The following LRCH2 variants were observed in gnomAD, a reference collection of about 807,000 sequenced individuals.
LRCH2 encodes leucine rich repeats and calponin homology domain containing 2.
A neutral mutation model predicts 68.9 loss-of-function variants in LRCH2; 38 were observed. That is an observed-to-expected ratio of 0.55 (90% confidence interval 0.43 to 0.72). The LOEUF (loss-of-function observed/expected upper bound fraction) is 0.72. Among genes scored for constraint, LRCH2 ranks in the 30% least tolerant of loss-of-function variants. LRCH2 has a pLI of 0.00. For synonymous variants in LRCH2, 191 were observed against 208.1 expected, an observed-to-expected ratio of 0.92 and a Z score of 0.71; for missense variants, 528 against 572.9, an observed-to-expected ratio of 0.92 and a Z score of 0.80.
Position 115,143,591 on chromosome X carries a change from A to G in LRCH2, c.1695+6236T>C, listed in dbSNP as rs1264403617. ...ATACCAATCCTACTCAAAGTATTCA[A>G]AAAATTGAAGAGGAGGGAATACTGG... is the stretch of plus-strand genomic sequence containing the variant. On this transcript the variant is annotated intron_variant, in intron 14 of 20. Transcript: ENST00000317135. Among the ~76,000 whole-genome samples, 3 of 111,657 alleles carry G rather than the reference A, an allele frequency of 2.7e-5. No homozygotes were observed. The East Asian group carries it at 8.5e-4, about 32-fold the overall frequency.
intron 1 of LRCH2, among the ~76,000 whole-genome samples, chrX:115,214,893 G>C (rs1486194420): frequency 7.1e-5 from 8 of 112,048 alleles, no homozygotes; most frequent in Non-Finnish European, 1.5e-4. Context: ...GCAGTTATCT[G>C]TAGGAAATTC....
rs2147404854 is a variant in LRCH2 at position 115,179,762 on chromosome X, C to T, written c.622-11G>A. The T allele has an allele frequency of 5.2e-6, 5 of 962,922 alleles. No homozygotes were observed. In the East Asian group the frequency reaches 1.1e-4, roughly 21 times the overall value. 79.4% of individuals were successfully genotyped at this position (962,922 alleles called of 1,213,427 possible). On this transcript the variant is annotated splice_polypyrimidine_tract_variant and intron_variant, in intron 3 of 20. Coordinates refer to ENST00000317135, the MANE Select transcript of LRCH2 (RefSeq NM_020871.4). ...ATTGCAGCTAATATCCTAAGGAGAACAATAAAACAGAATTATAACAAGCTA... is the reference window on the plus strand; with the variant it reads ...ATTGCAGCTAATATCCTAAGGAGAATAATAAAACAGAATTATAACAAGCTA...
intron 14 of LRCH2, among the ~76,000 whole-genome samples, chrX:115,138,620 T>G (rs781946591): frequency 4.5e-5 from 5 of 111,687 alleles, no homozygotes; most frequent in Non-Finnish European, 9.4e-5. Context: ...AGGAAAGACA[T>G]AGAAGAATAA....
In LRCH2 at chrX:115,163,957, A is replaced by G. The variant is rs956083077; in HGVS notation, c.1356-174T>C. On this transcript the variant is annotated intron_variant, in intron 10 of 20. Transcript: ENST00000317135. ...AGGAAAACTTCTGTGTTCTCTACTC[A>G]TTATGAAATGTAGCATACTGGCTGT... 6.2e-5 allele frequency among the ~76,000 whole-genome samples: 7 copies of G among 112,157 alleles called. No homozygotes were observed. The Admixed American group carries it at 6.7e-4, about 11-fold the overall frequency.
chrX:115,131,245 A>G (rs2072241650), intron 14 of LRCH2, among the ~76,000 whole-genome samples: 2 of 84,629 alleles, frequency 2.4e-5, no homozygotes, highest in South Asian at 1.1e-3. Context: ...TCCTAATGCA[A>G]TCCCTCCCCC....
At chrX:115,125,248 A>AAT (rs1556527184) in intron 16 of LRCH2, among the ~76,000 whole-genome samples, 2 of 106,225 alleles carry the variant, frequency 1.9e-5, no homozygotes, top group Non-Finnish European at 3.9e-5. Context: ...CTCTACTAAA[A>AAT]ATACAAAAAT....
chrX:115,191,332 G>A (rs201518011), intron 1 of LRCH2: 16 of 1,144,988 alleles, frequency 1.4e-5, no homozygotes, highest in Middle Eastern at 2.4e-4. Flanking sequence ...AGGCCGCTAC[G>A]AGGAGTACCG....
chrX:115,201,862 A>G (rs1455232185), intron 1 of LRCH2, among the ~76,000 whole-genome samples: 1 of 111,756 alleles, frequency 8.9e-6, no homozygotes, highest in Non-Finnish European at 1.9e-5. Flanking sequence ...ACCAATAATG[A>G]TCTCACTGAG....
intron 1 of LRCH2, among the ~76,000 whole-genome samples, chrX:115,200,430 G>A (rs1556565695): frequency 9.0e-6 from 1 of 110,499 alleles, no homozygotes; most frequent in African/African-American, 3.3e-5. Context: ...AACACAATGA[G>A]AAATAAAAAA....
At chrX:115,132,523 C>G (rs782159214) in intron 14 of LRCH2, among the ~76,000 whole-genome samples, 4 of 111,926 alleles carry the variant, frequency 3.6e-5, no homozygotes, top group Non-Finnish European at 7.5e-5. Flanking sequence ...TCAACCACAA[C>G]CCTTGGAAAA....
At chrX:115,141,742 T>C (rs1368581069) in intron 14 of LRCH2, among the ~76,000 whole-genome samples, 4 of 107,566 alleles carry the variant, frequency 3.7e-5, no homozygotes, top group Non-Finnish European at 7.7e-5. Context: ...GGCATGGTGG[T>C]ACATGCCTGT....
intron 1 of LRCH2, among the ~76,000 whole-genome samples, chrX:115,209,398 A>G (rs1272649082): frequency 1.8e-5 from 2 of 111,734 alleles, no homozygotes; most frequent in Admixed American, 9.5e-5. Flanking sequence ...ACAAGATCTG[A>G]TGGTTTTAAA....
chrX:115,168,503 G>T (rs1185030336), intron 6 of LRCH2, among the ~76,000 whole-genome samples: 2 of 111,616 alleles, frequency 1.8e-5, no homozygotes, highest in African/African-American at 6.5e-5. Flanking sequence ...ATTACATGTT[G>T]AAATGATAAT....
At chrX:115,153,024 G>C (rs1199942692) in intron 12 of LRCH2, among the ~76,000 whole-genome samples, 3 of 109,166 alleles carry the variant, frequency 2.7e-5, no homozygotes, top group African/African-American at 6.7e-5. Flanking sequence ...AAAAACGAAG[G>C]TGAGCTAGGC....
At chrX:115,120,821 C>T (rs1180103204) in intron 20 of LRCH2, among the ~76,000 whole-genome samples, 8 of 108,151 alleles carry the variant, frequency 7.4e-5, no homozygotes, top group Non-Finnish European at 1.5e-4. Flanking sequence ...CACATATACG[C>T]CATGGAATAC....
chrX:115,128,181 C>A (rs1468370711), intron 15 of LRCH2, among the ~76,000 whole-genome samples: 1 of 111,829 alleles, frequency 8.9e-6, no homozygotes, highest in African/African-American at 3.2e-5. Context: ...TAAGTCTTGG[C>A]TGCTGATTAG....
chrX:115,178,065 T>G (rs989240707), intron 5 of LRCH2, among the ~76,000 whole-genome samples: 1 of 111,957 alleles, frequency 8.9e-6, no homozygotes, highest in East Asian at 2.8e-4. Flanking sequence ...CAAGTACAAA[T>G]GGGATGGTGC....
chrX:115,229,605 T>G, intron 1 of LRCH2, among the ~76,000 whole-genome samples: 1 of 112,099 alleles, frequency 8.9e-6, no homozygotes, highest in Non-Finnish European at 1.9e-5. Context: ...GTAATTCAGA[T>G]TCAATCTATA....
Position 115,156,584 on chromosome X carries a change from A to C in LRCH2, c.1529+18T>G. ...TCATTATAAAATATTAAATGTAAAAACTAAGATATTTTTATACCTCTTTTC... is the reference window on the plus strand; with the variant it reads ...TCATTATAAAATATTAAATGTAAAACCTAAGATATTTTTATACCTCTTTTC... On this transcript the variant is annotated intron_variant, in intron 12 of 20. Coordinates refer to ENST00000317135, the MANE Select transcript of LRCH2 (RefSeq NM_020871.4). The C allele has an allele frequency of 9.2e-7, 1 of 1,087,496 alleles. No individual in the cohort carries two copies. The highest frequency in any genetic ancestry group is 1.2e-6 in the Non-Finnish European group (1 of 812,438). 89.6% of individuals were successfully genotyped at this position (1,087,496 alleles called of 1,213,427 possible). A position where few individuals can be genotyped will look rare whatever the true frequency, so the allele number is the denominator to read the frequency against.
Sources: allele counts gnomAD v4.1 joint callset (sites outside exome capture counted in the v4.1 genomes callset), GRCh38; gene constraint gnomAD v4.1.1; transcripts MANE v1.5; gene names NCBI Gene and HGNC (gene_info 2026-07-23, HGNC 2026-07-21).